The following ROBO2 variants were observed in gnomAD, a reference collection of about 807,000 sequenced individuals.
The protein encoded by ROBO2 is roundabout homolog 2.
A neutral mutation model predicts 160.8 loss-of-function variants in ROBO2; 53 were observed. The observed-to-expected ratio is 0.33, with a 90% confidence interval of 0.26 to 0.41. The LOEUF is 0.41. Ranked by LOEUF, ROBO2 falls within the 10% of genes least tolerant of loss-of-function variation. The pLI is 1.00. For synonymous variants in ROBO2, 664 were observed against 611.7 expected (o/e 1.09, Z -1.26); for missense variants, 1,577 against 1,722.4 (o/e 0.92, Z 1.49).
At chr3:76,693,076 G>T (rs1326515860) in intron 2 of ROBO2, among the ~76,000 whole-genome samples, 5 of 147,908 alleles carry the variant, frequency 3.4e-5, no homozygotes, top group African/African-American at 1.2e-4. Context: ...TCTATATATA[G>T]TGTATATATT....
chr3:77,440,224 G>C (rs1042868281), intron 2 of ROBO2, among the ~76,000 whole-genome samples: 1 of 151,958 alleles, frequency 6.6e-6, no homozygotes, highest in Non-Finnish European at 1.5e-5. Context: ...CACTGTTTTG[G>C]TCAATAAAAA....
intron 2 of ROBO2, among the ~76,000 whole-genome samples, chr3:76,445,224 A>G (rs1027057179): frequency 6.6e-6 from 1 of 152,204 alleles, no homozygotes; most frequent in African/African-American, 2.4e-5. Flanking sequence ...CTGAAAGTAT[A>G]ATTGTACAGG....
chr3:76,078,550 A>G (rs2068717164), intron 2 of ROBO2, among the ~76,000 whole-genome samples: 1 of 152,026 alleles, frequency 6.6e-6, no homozygotes, highest in Non-Finnish European at 1.5e-5. Context: ...CCTTTTGTAG[A>G]GACAGGGTGT....
At chr3:77,103,102 A>T (rs924958422) in intron 2 of ROBO2, among the ~76,000 whole-genome samples, 1 of 152,176 alleles carries the variant, frequency 6.6e-6, no homozygotes, top group Non-Finnish European at 1.5e-5. Context: ...CAGAAGGAGC[A>T]CAGGGGGTCC....
At chr3:77,038,915 A>G (rs913939608), upstream of ROBO2, among the ~76,000 whole-genome samples, 30 of 152,078 alleles carry the variant, frequency 2.0e-4, no homozygotes, top group African/African-American at 7.2e-4. Context: ...TGTTTACCGA[A>G]TTTCCTTCTG....
chr3:75,977,166 A>T (rs952206752), intron 2 of ROBO2, among the ~76,000 whole-genome samples: 2 of 151,644 alleles, frequency 1.3e-5, no homozygotes, highest in African/African-American at 4.8e-5. Flanking sequence ...TCAAACACTT[A>T]ACGAAGGGAA....
At chr3:76,371,263 CAT>C (rs2076085236) in intron 2 of ROBO2, among the ~76,000 whole-genome samples, 1 of 151,920 alleles carries the variant, frequency 6.6e-6, no homozygotes, top group Non-Finnish European at 1.5e-5. Context: ...CTTTGGGTAT[CAT>C]GTGTTTATTC....
At chr3:77,550,694 C>T in intron 7 of ROBO2, 124 bp from the exon 9 acceptor site, 1 of 1,014,382 alleles carries the variant, frequency 9.9e-7, no homozygotes, top group Non-Finnish European at 1.5e-6. Flanking sequence ...CATTTCTGAA[C>T]CATATATATT....
chr3:77,482,714 T>C (rs1006764269), intron 4 of ROBO2, among the ~76,000 whole-genome samples: 1 of 152,204 alleles, frequency 6.6e-6, no homozygotes, highest in Non-Finnish European at 1.5e-5. Flanking sequence ...TGCTCCACTC[T>C]GTAATGAATA....
At chr3:76,823,696 G>A (rs2066318240) in intron 2 of ROBO2, among the ~76,000 whole-genome samples, 1 of 152,100 alleles carries the variant, frequency 6.6e-6, no homozygotes, top group African/African-American at 2.4e-5. Context: ...GAATAGCAAA[G>A]CCCAAGACCA....
intron 2 of ROBO2, among the ~76,000 whole-genome samples, chr3:76,538,121 C>T (rs2082613374): frequency 6.6e-6 from 1 of 150,988 alleles, no homozygotes; most frequent in African/African-American, 2.4e-5. Flanking sequence ...GTTATAATGG[C>T]TGAGCTTTGG....
intron 2 of ROBO2, among the ~76,000 whole-genome samples, chr3:76,119,940 TC>T: frequency 7.7e-6 from 1 of 129,836 alleles, no homozygotes; most frequent in East Asian, 2.9e-4. Flanking sequence ...CTTCCTTCCT[TC>T]CTTCCTTCCT....
chr3:76,071,819 C>T (rs1408373156), intron 2 of ROBO2, among the ~76,000 whole-genome samples: 1 of 151,812 alleles, frequency 6.6e-6, no homozygotes, highest in African/African-American at 2.4e-5. Context: ...TAATTAAAAG[C>T]TGATTTTTAA....
chr3:76,452,712 A>G (rs574119026), intron 2 of ROBO2, among the ~76,000 whole-genome samples: 2 of 152,338 alleles, frequency 1.3e-5, no homozygotes, highest in East Asian at 3.9e-4. Flanking sequence ...GCTGGGTCAA[A>G]TGGTATTTCT....
intron 2 of ROBO2, among the ~76,000 whole-genome samples, chr3:77,447,039 G>C (rs558727250): frequency 3.5e-4 from 53 of 152,148 alleles, no homozygotes; most frequent in African/African-American, 1.3e-3. Flanking sequence ...TTAATTTCCT[G>C]GATAGCCAGA....
chr3:76,890,458 G>A (rs1361044012), intron 2 of ROBO2, among the ~76,000 whole-genome samples: 1 of 152,128 alleles, frequency 6.6e-6, no homozygotes, highest in East Asian at 1.9e-4. Flanking sequence ...GCAATATCAA[G>A]GGTGTTCTAC....
intron 5 of ROBO2, among the ~76,000 whole-genome samples, chr3:77,505,207 G>A (rs918443847): frequency 9.9e-5 from 15 of 152,276 alleles, no homozygotes; most frequent in Middle Eastern, 6.8e-3. Flanking sequence ...GAGTAGCTTG[G>A]AACAGAGAAA....
At chr3:76,920,447 T>C (rs895577514) in intron 2 of ROBO2, among the ~76,000 whole-genome samples, 11 of 152,172 alleles carry the variant, frequency 7.2e-5, no homozygotes, top group African/African-American at 2.7e-4. Flanking sequence ...GTATACAGAA[T>C]TGGAGGCATA....
At chr3:76,211,368 A>G (rs1009566332) in intron 2 of ROBO2, among the ~76,000 whole-genome samples, 1 of 152,104 alleles carries the variant, frequency 6.6e-6, no homozygotes, top group Non-Finnish European at 1.5e-5. Context: ...AGCTAAAGTC[A>G]GCCTGGAATT....
Sources: gnomAD v4.1 joint callset for allele counts (sites outside exome capture counted in the v4.1 genomes callset) on GRCh38, gnomAD v4.1.1 for gene constraint, MANE v1.5 for transcripts, NCBI Gene and HGNC (gene_info 2026-07-23, HGNC 2026-07-21) for gene names.